WWOX: variants seen among roughly 807,000 people sequenced by gnomAD.
The protein encoded by WWOX is WW domain-containing oxidoreductase.
WWOX carries 69 observed loss-of-function variants against 46.2 expected under a neutral mutation model. That is an observed-to-expected ratio of 1.49 (90% CI 1.23 to 1.82). The LOEUF (loss-of-function observed/expected upper bound fraction) is 1.82, where lower values mean the gene tolerates loss of function less well. Among genes scored for constraint, WWOX ranks in the 40% most tolerant of loss-of-function variants. The probability of loss-of-function intolerance (pLI) is 0.00; values close to 1 mark genes in which losing one functional copy is unlikely to be tolerated. For missense variants in WWOX, 919 were observed against 542.6 expected, an observed-to-expected ratio of 1.69 and a Z score of -6.89; for synonymous variants, 359 against 202.6, an observed-to-expected ratio of 1.77 and a Z score of -6.56.
At chr16:78,516,951 T>A (rs2667611) in intron 8 of WWOX, among the ~76,000 whole-genome samples, 3 of 151,910 alleles carry the variant, frequency 2.0e-5, no homozygotes, top group Admixed American at 6.6e-5. Flanking sequence ...TTTTGGAGAC[T>A]TGGGTCTGTT....
chr16:78,512,957 C>T (rs2085399241), intron 8 of WWOX, among the ~76,000 whole-genome samples: 1 of 152,200 alleles, frequency 6.6e-6, no homozygotes, highest in African/African-American at 2.4e-5. Context: ...AAGAGCCCTG[C>T]ATATGCTGTG....
intron 8 of WWOX, among the ~76,000 whole-genome samples, chr16:78,992,449 AG>A (rs1947431238): frequency 6.6e-6 from 1 of 152,192 alleles, no homozygotes; most frequent in Admixed American, 6.5e-5. Flanking sequence ...CCTGGGCAAA[AG>A]AGTGACACTC....
chr16:79,075,166 G>T (rs2048631318), intron 8 of WWOX, among the ~76,000 whole-genome samples: 1 of 152,184 alleles, frequency 6.6e-6, no homozygotes, highest in Non-Finnish European at 1.5e-5. Flanking sequence ...AGAATCTCTG[G>T]AAGGCATCCT....
At chr16:78,967,417 G>A (rs1006995027) in intron 8 of WWOX, among the ~76,000 whole-genome samples, 1 of 148,492 alleles carries the variant, frequency 6.7e-6, no homozygotes, top group Non-Finnish European at 1.5e-5. Context: ...CTGAGTTGCT[G>A]GGACCACAAG....
chr16:78,932,736 G>A (rs1270329908), intron 8 of WWOX, among the ~76,000 whole-genome samples: 1 of 152,216 alleles, frequency 6.6e-6, no homozygotes, highest in East Asian at 1.9e-4. Flanking sequence ...CCATTGCTCA[G>A]GGCCTGGGAA....
At chr16:78,486,829 C>A (rs2084650045) in intron 8 of WWOX, among the ~76,000 whole-genome samples, 1 of 152,204 alleles carries the variant, frequency 6.6e-6, no homozygotes, top group Non-Finnish European at 1.5e-5. Flanking sequence ...GCCTCGGCCT[C>A]CCAAAGTGCT....
chr16:78,863,803 A>G (rs1233392716), intron 8 of WWOX, among the ~76,000 whole-genome samples: 1 of 152,228 alleles, frequency 6.6e-6, no homozygotes, highest in Non-Finnish European at 1.5e-5. Context: ...GTGAGTTGGA[A>G]TGATGGCTCT....
intron 8 of WWOX, among the ~76,000 whole-genome samples, chr16:78,852,925 C>T (rs1239756572): frequency 6.6e-6 from 1 of 152,190 alleles, no homozygotes; most frequent in South Asian, 2.1e-4. Context: ...CTTCTTTCTT[C>T]TCATCATTAA....
chr16:79,090,280 C>CGCGTGTGT (rs1555525604), intron 8 of WWOX, among the ~76,000 whole-genome samples: 1 of 138,284 alleles, frequency 7.2e-6, no homozygotes, highest in Non-Finnish European at 1.6e-5. Flanking sequence ...CTACTGTGTG[C>CGCGTGTGT]GTGTGTGTGT....
intron 8 of WWOX, among the ~76,000 whole-genome samples, chr16:78,700,217 T>A (rs1212207411): frequency 4.7e-5 from 7 of 150,472 alleles, no homozygotes; most frequent in African/African-American, 1.7e-4. Context: ...AGGCTGGAAG[T>A]CAGATGTCAG....
At chr16:78,139,470 C>T (rs1297961281) in intron 4 of WWOX, among the ~76,000 whole-genome samples, 1 of 152,072 alleles carries the variant, frequency 6.6e-6, no homozygotes, top group Non-Finnish European at 1.5e-5. Flanking sequence ...ATGGTGAAAC[C>T]CCTTCTCTAC....
intron 8 of WWOX, among the ~76,000 whole-genome samples, chr16:78,628,513 C>G (rs1461888300): frequency 6.6e-6 from 1 of 152,128 alleles, no homozygotes; most frequent in Non-Finnish European, 1.5e-5. Flanking sequence ...CTTGCCAGCT[C>G]CTTAAGGATA....
intron 5 of WWOX, among the ~76,000 whole-genome samples, chr16:78,335,674 G>T (rs754745043): frequency 3.3e-5 from 5 of 152,156 alleles, no homozygotes; most frequent in Non-Finnish European, 5.9e-5. Flanking sequence ...AGTTTTCACA[G>T]TAGAAAAGAC....
intron 5 of WWOX, among the ~76,000 whole-genome samples, chr16:78,320,652 A>G (rs1597479002): frequency 6.6e-6 from 1 of 152,212 alleles, no homozygotes; most frequent in East Asian, 1.9e-4. Context: ...GGGGAAGCCA[A>G]ACATCTGGAT....
chr16:78,253,250 A>G (rs563487582), intron 5 of WWOX, among the ~76,000 whole-genome samples: 2 of 152,350 alleles, frequency 1.3e-5, no homozygotes, highest in African/African-American at 4.8e-5. Context: ...TCTTTCCATC[A>G]TATAACACTT....
At chr16:78,454,608 C>T (rs1035531426) in intron 8 of WWOX, among the ~76,000 whole-genome samples, 3 of 152,128 alleles carry the variant, frequency 2.0e-5, no homozygotes, top group Non-Finnish European at 4.4e-5. Flanking sequence ...CAGGATCAAG[C>T]GATTCTCCTG....
intron 8 of WWOX, among the ~76,000 whole-genome samples, chr16:78,612,000 C>A (rs760270644): frequency 6.6e-6 from 1 of 152,178 alleles, no homozygotes; most frequent in African/African-American, 2.4e-5. Flanking sequence ...CAAGAAGATT[C>A]AATAGGCATT....
chr16:78,147,553 C>T (rs1422216331), intron 4 of WWOX, among the ~76,000 whole-genome samples: 1 of 152,068 alleles, frequency 6.6e-6, no homozygotes, highest in Non-Finnish European at 1.5e-5. Context: ...GTTTTGAGCA[C>T]TTCCACGTGA....
At chr16:78,676,851 A>G (rs963594676) in intron 8 of WWOX, among the ~76,000 whole-genome samples, 4 of 152,206 alleles carry the variant, frequency 2.6e-5, no homozygotes, top group African/African-American at 4.8e-5. Flanking sequence ...ATTTTCTTAA[A>G]GGTGCAGTAT....
Sources: allele counts gnomAD v4.1 joint callset (sites outside exome capture counted in the v4.1 genomes callset), GRCh38; gene constraint gnomAD v4.1.1; transcripts MANE v1.5; gene names NCBI Gene and HGNC (gene_info 2026-07-23, HGNC 2026-07-21).